ASXL2: variants seen among roughly 807,000 people sequenced by gnomAD.
ASXL2 encodes the protein putative Polycomb group protein ASXL2.
A neutral mutation model predicts 122.0 loss-of-function variants in ASXL2; 23 were observed. The observed-to-expected ratio is 0.19, with a 90% CI of 0.14 to 0.27. The LOEUF is 0.27. ASXL2 is among the 10% of genes least tolerant of loss of function. ASXL2 has a pLI of 1.00. For missense variants in ASXL2, 1,518 were observed against 1,713.8 expected (o/e 0.89, Z 2.02); for synonymous variants, 650 against 637.0 (o/e 1.02, Z -0.31).
chr2:25,787,582 A>C (rs2088769019), intron 5 of ASXL2, among the ~76,000 whole-genome samples: 1 of 152,226 alleles, frequency 6.6e-6, no homozygotes, highest in South Asian at 2.1e-4. Context: ...AGACACAGTC[A>C]ATTTATAAAA....
intron 5 of ASXL2, among the ~76,000 whole-genome samples, chr2:25,779,800 CTT>C (rs746654774): frequency 7.2e-5 from 11 of 152,260 alleles, no homozygotes; most frequent in South Asian, 2.1e-4. Context: ...TTAATAGGTT[CTT>C]GTTTGTCCTT....
In ASXL2 at chr2:25,743,284, T is replaced by C. The variant is rs758650452; in HGVS notation, c.3053A>G (p.Gln1018Arg). Residue 1018 changes from glutamine (Q) to arginine (R), a missense_variant, in exon 13 of 13, where the codon CAG becomes CGG. By Grantham distance (43) the Gln-to-Arg change is conservative. Around this residue, in one of 8 missense-constraint regions of ASXL2, gnomAD observed 831 missense variants for 833.1 expected, o/e 1.00. Coordinates refer to ENST00000435504, the MANE Select transcript of ASXL2 (RefSeq NM_018263.6). ...NERQSHPATQQQLGKTLQSKQ... is the reference protein window; with the variant it reads ...NERQSHPATQRQLGKTLQSKQ... ...ACTTTGCAAGGTTTTGCCCAGCTGC[T>C]GCTGCGTAGCTGGATGGGACTGTCT... is the stretch of plus-strand genomic sequence containing the variant. 6 of 1,613,782 alleles carry C rather than the reference T, an allele frequency of 3.7e-6. No homozygotes were observed. In the Admixed American group the frequency reaches 1.0e-4, roughly 27 times the overall value.
chr2:25,839,614 CTTT>C (rs35346359), intron 2 of ASXL2, among the ~76,000 whole-genome samples: 7 of 106,948 alleles, frequency 6.5e-5, no homozygotes, highest in African/African-American at 7.2e-5. Flanking sequence ...GAAATTCTAT[CTTT>C]TTTTTTTTTT....
chr2:25,845,279 T>C, intron 2 of ASXL2: 1 of 813,062 alleles, frequency 1.2e-6, no homozygotes, highest in Non-Finnish European at 2.0e-6. Flanking sequence ...CTCTAAGAAT[T>C]GGTTTTAAAA....
intron 5 of ASXL2, among the ~76,000 whole-genome samples, chr2:25,776,746 T>C (rs1377695665): frequency 1.3e-5 from 2 of 152,210 alleles, no homozygotes; most frequent in East Asian, 3.8e-4. Flanking sequence ...TAACAACGTC[T>C]TGCAGAAATC....
At chr2:25,782,241 T>C (rs2088655169) in intron 5 of ASXL2, among the ~76,000 whole-genome samples, 1 of 152,094 alleles carries the variant, frequency 6.6e-6, no homozygotes, top group Non-Finnish European at 1.5e-5. Flanking sequence ...CTTGCTTACC[T>C]GTGTTGATAT....
chr2:25,797,783 C>CAAATGCA (rs2088932319), intron 5 of ASXL2, among the ~76,000 whole-genome samples: 1 of 152,188 alleles, frequency 6.6e-6, no homozygotes, highest in Admixed American at 6.5e-5. Flanking sequence ...ACTGCTGGTG[C>CAAATGCA]AAATGCAAAA....
rs559671311 is a variant in ASXL2, at chr2:25,775,695, GAACT to G, written c.404-4159_404-4156del. Among the ~76,000 whole-genome samples the G allele has an allele frequency of 2.5e-3, 381 of 152,190 alleles. 2 individuals carry two copies. Among genetic ancestry groups the G allele is most frequent in the African/African-American group, 8.5e-3 (352 of 41,518 alleles). On this transcript the variant is annotated intron_variant, in intron 5 of 12. Transcript: ENST00000435504. The stretch of plus-strand genomic sequence containing the variant: ...TTCCTGAGGCCTCCCCAGCCATGTG[GAACT>G]AACTATGAGTCAACTAAACCTTTTT...
At chr2:25,786,054 C>T (rs934477983) in intron 5 of ASXL2, among the ~76,000 whole-genome samples, 1 of 152,058 alleles carries the variant, frequency 6.6e-6, no homozygotes, top group African/African-American at 2.4e-5. Flanking sequence ...CCAAGGAACA[C>T]AAGGTTGGTT....
intron 2 of ASXL2, among the ~76,000 whole-genome samples, chr2:25,835,886 T>A (rs938250525): frequency 6.6e-6 from 1 of 152,222 alleles, no homozygotes; most frequent in Non-Finnish European, 1.5e-5. Flanking sequence ...TTCCCATGCA[T>A]TTCAATTTCA....
chr2:25,810,425 C>A, intron 3 of ASXL2: 1 of 696,334 alleles, frequency 1.4e-6, no homozygotes, highest in East Asian at 2.7e-5. Context: ...TCCGCTTCTT[C>A]CGGCTTTTGC....
intron 9 of ASXL2, 137 bp downstream of exon 9, chr2:25,759,345 T>A: frequency 3.5e-6 from 3 of 863,678 alleles, no homozygotes; most frequent in Non-Finnish European, 5.1e-6. Context: ...AATTTTTTTT[T>A]CCTAAGCCTT....
intron 5 of ASXL2, among the ~76,000 whole-genome samples, chr2:25,788,917 G>T (rs780960748): frequency 1.3e-5 from 2 of 151,700 alleles, no homozygotes; most frequent in African/African-American, 4.8e-5. Flanking sequence ...AATGTACCCA[G>T]TATGTTTTTT....
Position 25,866,546 on chromosome 2 carries a change from G to A in ASXL2, c.57+11620C>T, listed in dbSNP as rs561202174. 2.6e-4 allele frequency among the ~76,000 whole-genome samples: 39 copies of A among 152,200 alleles called. No individual in the cohort carries two copies. In the South Asian group the frequency reaches 7.9e-3, roughly 31 times the overall value. On this transcript the variant is annotated intron_variant, in intron 1 of 12. Transcript: ENST00000435504. The stretch of plus-strand genomic sequence containing the variant: ...CTTTGTCATTTACTACCTTTTATCT[G>A]CTAGAAAACAGAGCTGAGAAATACA...
intron 1 of ASXL2, among the ~76,000 whole-genome samples, chr2:25,870,590 T>G (rs1309771616): frequency 6.6e-6 from 1 of 152,130 alleles, no homozygotes. Context: ...GAGGATTGTT[T>G]GAGCCCAGGA....
chr2:25,780,537 T>C (rs1410787538), intron 5 of ASXL2, among the ~76,000 whole-genome samples: 1 of 152,168 alleles, frequency 6.6e-6, no homozygotes, highest in African/African-American at 2.4e-5. Context: ...TGAAAATTAT[T>C]GGGTGGAAGC....
intron 1 of ASXL2, among the ~76,000 whole-genome samples, chr2:25,860,803 G>T (rs946053470): frequency 1.3e-5 from 2 of 151,616 alleles, no homozygotes; most frequent in Non-Finnish European, 2.9e-5. Flanking sequence ...CTTGAGCTCA[G>T]GAGTTCAAGA....
At chr2:25,848,393 T>C (rs1200841851) in intron 1 of ASXL2, among the ~76,000 whole-genome samples, 1 of 151,262 alleles carries the variant, frequency 6.6e-6, no homozygotes, top group African/African-American at 2.4e-5. Context: ...GAGGCCGAGA[T>C]AGGTGGATCA....
At chr2:25,849,700 T>C (rs1289426788) in intron 1 of ASXL2, among the ~76,000 whole-genome samples, 1 of 152,040 alleles carries the variant, frequency 6.6e-6, no homozygotes, top group Non-Finnish European at 1.5e-5. Context: ...GGTCTCGAAC[T>C]GCTGGGTTTT....
Sources: gnomAD v4.1 joint callset for allele counts (sites outside exome capture counted in the v4.1 genomes callset) on GRCh38, gnomAD v4.1.1 for gene constraint, gnomAD v4.1.1 regional missense constraint, MANE v1.5 for transcripts, NCBI Gene and HGNC (gene_info 2026-07-23, HGNC 2026-07-21) for gene names.